Variants in FHIT observed in about 807,000 individuals in gnomAD.
FHIT encodes bis(5'-adenosyl)-triphosphatase.
Under a neutral mutation model 17.9 loss-of-function variants are expected in FHIT, and 19 were observed. The observed-to-expected ratio is 1.06, with a 90% CI of 0.74 to 1.56. FHIT has a LOEUF of 1.56. Among genes scored for constraint, FHIT ranks in the 40% most tolerant of loss-of-function variants. The probability of loss-of-function intolerance (pLI) is 0.00; values close to 1 mark genes in which losing one functional copy is unlikely to be tolerated. For missense variants in FHIT, 248 were observed against 189.2 expected (o/e 1.31, Z -1.82); for synonymous variants, 81 against 69.7 (o/e 1.16, Z -0.81).
chr3:60,309,655 C>T (rs1708850491), intron 5 of FHIT, among the ~76,000 whole-genome samples: 2 of 152,254 alleles, frequency 1.3e-5, no homozygotes, highest in South Asian at 4.1e-4. Context: ...AGCTTCCTCT[C>T]CTCAGTAAGC....
At chr3:60,969,096 A>G (rs1023376562) in intron 3 of FHIT, among the ~76,000 whole-genome samples, 2 of 152,190 alleles carry the variant, frequency 1.3e-5, no homozygotes, top group South Asian at 4.1e-4. Flanking sequence ...GTGAGTTTAC[A>G]TATAACTGAT....
intron 8 of FHIT, among the ~76,000 whole-genome samples, chr3:59,854,561 G>A (rs1046383205): frequency 1.3e-5 from 2 of 152,090 alleles, no homozygotes; most frequent in East Asian, 1.9e-4. Context: ...CTCTCACACC[G>A]CAGAGCACTC....
chr3:60,799,263 C>A (rs142669211), intron 4 of FHIT, among the ~76,000 whole-genome samples: 1 of 152,164 alleles, frequency 6.6e-6, no homozygotes, highest in African/African-American at 2.4e-5. Context: ...CAACCTCCAC[C>A]TCCCAGGTTC....
intron 5 of FHIT, among the ~76,000 whole-genome samples, chr3:60,130,764 G>GTGTT (rs1441695402): frequency 0.28 from 1,181 of 4,208 alleles, 18 homozygotes; most frequent in African/African-American, 0.39. Context: ...GTGTGTGTGT[G>GTGTT]TTTGTGTGTG....
chr3:60,163,304 C>G (rs973225478), intron 5 of FHIT, among the ~76,000 whole-genome samples: 2 of 152,094 alleles, frequency 1.3e-5, no homozygotes, highest in Non-Finnish European at 2.9e-5. Context: ...ATGTCACCTC[C>G]AAAGGTAGGT....
chr3:60,172,514 G>C (rs1455138722), intron 5 of FHIT, among the ~76,000 whole-genome samples: 1 of 151,804 alleles, frequency 6.6e-6, no homozygotes, highest in Non-Finnish European at 1.5e-5. Flanking sequence ...AACCTCAGGT[G>C]ATCCGCCTGC....
intron 8 of FHIT, among the ~76,000 whole-genome samples, chr3:59,901,310 T>G (rs955358971): frequency 6.6e-6 from 1 of 152,176 alleles, no homozygotes; most frequent in African/African-American, 2.4e-5. Context: ...GGTAAATGAG[T>G]GAATAATCTG....
intron 4 of FHIT, among the ~76,000 whole-genome samples, chr3:60,593,909 ATTTC>A (rs1183031583): frequency 1.3e-5 from 2 of 152,108 alleles, no homozygotes; most frequent in Non-Finnish European, 2.9e-5. Flanking sequence ...CTGCATTAAT[ATTTC>A]TAAGACCAAA....
chr3:60,822,313 A>G (rs1218995820), intron 3 of FHIT, among the ~76,000 whole-genome samples: 1 of 152,108 alleles, frequency 6.6e-6, no homozygotes, highest in Non-Finnish European at 1.5e-5. Flanking sequence ...ACATCATCTG[A>G]TCCTCCTCAA....
intron 8 of FHIT, among the ~76,000 whole-genome samples, chr3:59,781,279 T>G (rs1483350989): frequency 1.3e-5 from 2 of 152,220 alleles, no homozygotes; most frequent in African/African-American, 2.4e-5. Context: ...AGTGCATGAT[T>G]AATAAGCCAG....
intron 3 of FHIT, among the ~76,000 whole-genome samples, chr3:60,851,398 T>C (rs1332259165): frequency 6.6e-6 from 1 of 152,122 alleles, no homozygotes; most frequent in African/African-American, 2.4e-5. Flanking sequence ...ATGTCAACAC[T>C]GGAATCTCAC....
chr3:60,805,947 G>A (rs1701370358), intron 4 of FHIT, among the ~76,000 whole-genome samples: 1 of 152,102 alleles, frequency 6.6e-6, no homozygotes, highest in Non-Finnish European at 1.5e-5. Flanking sequence ...TATCAATTCA[G>A]GGGAATACAA....
chr3:60,340,513 G>T (rs891155754), intron 5 of FHIT, among the ~76,000 whole-genome samples: 1 of 152,136 alleles, frequency 6.6e-6, no homozygotes, highest in African/African-American at 2.4e-5. Flanking sequence ...CAAATCAAGG[G>T]AGGACTTGAA....
chr3:61,033,597 G>A (rs1025984430), intron 3 of FHIT, among the ~76,000 whole-genome samples: 4 of 152,082 alleles, frequency 2.6e-5, no homozygotes, highest in Non-Finnish European at 5.9e-5. Context: ...TTACATCTGT[G>A]GTTCACAGTA....
intron 5 of FHIT, among the ~76,000 whole-genome samples, chr3:60,516,720 T>A (rs1258361783): frequency 1.3e-5 from 2 of 152,200 alleles, no homozygotes; most frequent in African/African-American, 4.8e-5. Flanking sequence ...AAATATTATA[T>A]GTTAGATGAA....
chr3:60,146,531 G>T (rs1415066803), intron 5 of FHIT, among the ~76,000 whole-genome samples: 1 of 152,120 alleles, frequency 6.6e-6, no homozygotes, highest in Non-Finnish European at 1.5e-5. Context: ...GCTCTAAATA[G>T]GTTGGCTTTG....
intron 2 of FHIT, among the ~76,000 whole-genome samples, chr3:61,140,038 A>T (rs984948912): frequency 2.0e-5 from 3 of 151,448 alleles, no homozygotes; most frequent in Middle Eastern, 3.2e-3. Flanking sequence ...AAAAAAAAAA[A>T]TAAGAAACAA....
At chr3:59,899,327 A>AC (rs1410256327) in intron 8 of FHIT, among the ~76,000 whole-genome samples, 1 of 152,222 alleles carries the variant, frequency 6.6e-6, no homozygotes, top group African/African-American at 2.4e-5. Flanking sequence ...ACAAAGGCTG[A>AC]CACATCTGGA....
chr3:60,533,745 G>A (rs553885813), intron 5 of FHIT, among the ~76,000 whole-genome samples: 11 of 152,128 alleles, frequency 7.2e-5, no homozygotes, highest in Admixed American at 1.3e-4. Context: ...GGGAACAGCC[G>A]GAAAGAAGGG....
Sources: allele counts gnomAD v4.1 joint callset (sites outside exome capture counted in the v4.1 genomes callset), GRCh38; gene constraint gnomAD v4.1.1; transcripts MANE v1.5; gene names NCBI Gene and HGNC (gene_info 2026-07-23, HGNC 2026-07-21).